The following MRTFA variants were observed in gnomAD, a reference collection of about 807,000 sequenced individuals.
The protein encoded by MRTFA is myocardin related transcription factor A.
A neutral mutation model predicts 83.5 loss-of-function variants in MRTFA; 20 were observed. The ratio of observed to expected loss-of-function variants is 0.24; its 90% CI spans 0.17 to 0.35. The LOEUF (loss-of-function observed/expected upper bound fraction) is 0.35, where lower values mean the gene tolerates loss of function less well. MRTFA is among the 10% of genes least tolerant of loss of function. The pLI is 1.00. For synonymous variants in MRTFA, 659 were observed against 541.2 expected, an observed-to-expected ratio of 1.22 and a Z score of -3.02; for missense variants, 1,200 against 1,224.7, an observed-to-expected ratio of 0.98 and a Z score of 0.30.
chr22:40,593,157 T>C (rs943454128), intron 2 of MRTFA, among the ~76,000 whole-genome samples: 9 of 152,168 alleles, frequency 5.9e-5, no homozygotes, highest in Admixed American at 3.3e-4. Context: ...CTTTGGCTAA[T>C]CAGTAGCAAG....
At chr22:40,615,686 C>CTT (rs59431175) in intron 1 of MRTFA, among the ~76,000 whole-genome samples, 52 of 142,310 alleles carry the variant, frequency 3.7e-4, no homozygotes, top group Middle Eastern at 3.5e-3. Flanking sequence ...ATTTTCTTTT[C>CTT]TTTTTTTTTT....
At chr22:40,442,450 C>T (rs559912915) in intron 4 of MRTFA, among the ~76,000 whole-genome samples, 1 of 152,164 alleles carries the variant, frequency 6.6e-6, no homozygotes, top group Non-Finnish European at 1.5e-5. Flanking sequence ...TCAATGAGGG[C>T]TACATGTGTG....
intron 2 of MRTFA, chr22:40,587,720 T>C: frequency 3.0e-6 from 1 of 332,770 alleles, no homozygotes; most frequent in Non-Finnish European, 6.0e-6. Flanking sequence ...ATGACAGATA[T>C]TTCCAAAAGC....
chr22:40,464,068 C>T (rs534813592), intron 3 of MRTFA, among the ~76,000 whole-genome samples: 1 of 151,882 alleles, frequency 6.6e-6, no homozygotes, highest in Admixed American at 6.6e-5. Context: ...TTTGGAAGAC[C>T]GAGGCGGGCG....
At chr22:40,568,170 C>T (rs2055733941) in intron 2 of MRTFA, among the ~76,000 whole-genome samples, 3 of 152,320 alleles carry the variant, frequency 2.0e-5, no homozygotes, top group South Asian at 4.1e-4. Context: ...AATGCACACA[C>T]TGATGACAGC....
chr22:40,518,276 C>T (rs192879382), intron 3 of MRTFA, among the ~76,000 whole-genome samples: 8 of 152,256 alleles, frequency 5.3e-5, no homozygotes, highest in Admixed American at 5.2e-4. Context: ...CACTATCGAT[C>T]GGCATCTGAA....
At chr22:40,600,795 T>C (rs981064144) in intron 1 of MRTFA, among the ~76,000 whole-genome samples, 2 of 152,216 alleles carry the variant, frequency 1.3e-5, no homozygotes, top group South Asian at 2.1e-4. Flanking sequence ...CTGGCCAACG[T>C]AGTGAAACCC....
At chr22:40,523,227 C>T (rs191240551) in intron 3 of MRTFA, 2 of 152,218 alleles carry the variant, frequency 1.3e-5, no homozygotes, top group Admixed American at 1.3e-4. Flanking sequence ...CCTATTCTTC[C>T]ATACTAATTA....
chr22:40,608,398 G>A (rs1395775103), intron 1 of MRTFA, among the ~76,000 whole-genome samples: 1 of 152,158 alleles, frequency 6.6e-6, no homozygotes, highest in African/African-American at 2.4e-5. Context: ...GTATTACGTA[G>A]CTGATTAGTG....
chr22:40,486,698 G>C (rs1042970971), intron 3 of MRTFA, among the ~76,000 whole-genome samples: 1 of 152,176 alleles, frequency 6.6e-6, no homozygotes, highest in Non-Finnish European at 1.5e-5. Context: ...ATTAAGAAGG[G>C]TACAGGGAGC....
intron 1 of MRTFA, among the ~76,000 whole-genome samples, chr22:40,624,082 A>C (rs1290174144): frequency 6.6e-6 from 1 of 151,646 alleles, no homozygotes; most frequent in Non-Finnish European, 1.5e-5. Context: ...CCAGCCTGAG[A>C]AATGGAGGAA....
At chr22:40,510,887 C>T (rs2147241531) in intron 3 of MRTFA, among the ~76,000 whole-genome samples, 1 of 152,100 alleles carries the variant, frequency 6.6e-6, no homozygotes, top group East Asian at 1.9e-4. Context: ...AATATATGTG[C>T]TTTTTTTAAA....
chr22:40,432,168 C>T (rs1316109267), intron 5 of MRTFA, among the ~76,000 whole-genome samples: 4 of 152,122 alleles, frequency 2.6e-5, no homozygotes, highest in Non-Finnish European at 5.9e-5. Context: ...ATCACTTGAA[C>T]TCGTGAGGTG....
intron 2 of MRTFA, among the ~76,000 whole-genome samples, chr22:40,590,497 T>C (rs1442525048): frequency 6.6e-6 from 1 of 151,610 alleles, no homozygotes; most frequent in Non-Finnish European, 1.5e-5. Flanking sequence ...TGAAACCCCG[T>C]CTCTACTAAA....
At chr22:40,542,319 T>G (rs1009089667) in intron 3 of MRTFA, among the ~76,000 whole-genome samples, 9 of 152,186 alleles carry the variant, frequency 5.9e-5, no homozygotes, top group Non-Finnish European at 8.8e-5. Context: ...CTTCCCTACA[T>G]GAAAACCCTC....
intron 2 of MRTFA, among the ~76,000 whole-genome samples, chr22:40,574,377 T>C (rs1326975335): frequency 6.6e-6 from 1 of 152,110 alleles, no homozygotes; most frequent in Non-Finnish European, 1.5e-5. Context: ...TTCTTACCAT[T>C]ATTCCCCAAA....
At chr22:40,573,030 T>C (rs897877015) in intron 2 of MRTFA, among the ~76,000 whole-genome samples, 2 of 152,120 alleles carry the variant, frequency 1.3e-5, no homozygotes, top group African/African-American at 2.4e-5. Flanking sequence ...AGACCACATA[T>C]TGTATTATCC....
At chr22:40,631,163 A>G (rs969143687) in intron 1 of MRTFA, among the ~76,000 whole-genome samples, 1 of 152,214 alleles carries the variant, frequency 6.6e-6, no homozygotes, top group African/African-American at 2.4e-5. Context: ...AATTATCTAG[A>G]TGTAGGTACT....
intron 1 of MRTFA, among the ~76,000 whole-genome samples, chr22:40,604,341 A>G (rs2056294345): frequency 6.6e-6 from 1 of 151,862 alleles, no homozygotes; most frequent in African/African-American, 2.4e-5. Flanking sequence ...TGTCTTAGCC[A>G]GGATGGTCTC....
Sources: allele counts gnomAD v4.1 joint callset (sites outside exome capture counted in the v4.1 genomes callset), GRCh38; gene constraint gnomAD v4.1.1; transcripts MANE v1.5; gene names NCBI Gene and HGNC (gene_info 2026-07-23, HGNC 2026-07-21).